The following GABRB2 variants were observed in gnomAD, a reference collection of about 807,000 sequenced individuals.
GABRB2 encodes gamma-aminobutyric acid receptor subunit beta-2.
Under a neutral mutation model 54.7 loss-of-function variants are expected in GABRB2, and 16 were observed. The observed-to-expected ratio is 0.29, with a 90% CI of 0.20 to 0.44. GABRB2 has a LOEUF of 0.44. Among genes scored for constraint, GABRB2 ranks in the 20% least tolerant of loss-of-function variants. The pLI is 1.00. For missense variants in GABRB2, 355 were observed against 644.0 expected (o/e 0.55, Z 4.86); for synonymous variants, 244 against 233.8 (o/e 1.04, Z -0.40).
At chr5:161,511,696 C>G (rs888823608) in intron 3 of GABRB2, among the ~76,000 whole-genome samples, 11 of 151,978 alleles carry the variant, frequency 7.2e-5, no homozygotes, top group African/African-American at 2.4e-4. Context: ...AAGACTGGTT[C>G]CTTCTGAGGG....
At chr5:161,439,232 G>C (rs1323536254) in intron 4 of GABRB2, among the ~76,000 whole-genome samples, 8 of 152,200 alleles carry the variant, frequency 5.3e-5, no homozygotes, top group Non-Finnish European at 1.2e-4. Flanking sequence ...CAGGCCAAGA[G>C]ACAGTGGCGT....
chr5:161,336,861 A>T, intron 5 of GABRB2, 92 bp from the exon 6 acceptor site: 2 of 1,313,230 alleles, frequency 1.5e-6, no homozygotes, highest in South Asian at 2.8e-5. Context: ...TGTTTAGAAG[A>T]TGACCTATAT....
At chr5:161,455,481 T>C (rs915514397) in intron 4 of GABRB2, among the ~76,000 whole-genome samples, 10 of 151,694 alleles carry the variant, frequency 6.6e-5, no homozygotes, top group African/African-American at 2.4e-4. Flanking sequence ...TCCCAGATAA[T>C]AGAACAAAAG....
At chr5:161,488,725 T>C (rs936676055) in intron 3 of GABRB2, among the ~76,000 whole-genome samples, 4 of 151,786 alleles carry the variant, frequency 2.6e-5, no homozygotes, top group African/African-American at 9.7e-5. Flanking sequence ...GAAAGATCCT[T>C]TCCAGACTAA....
intron 3 of GABRB2, among the ~76,000 whole-genome samples, chr5:161,480,185 A>T (rs1241882567): frequency 1.3e-5 from 2 of 151,994 alleles, no homozygotes; most frequent in Non-Finnish European, 2.9e-5. Context: ...GAAATGGATG[A>T]GTTCCTGAGT....
At position 161,546,668 on chromosome 5, in the gene GABRB2, G is replaced by T; in HGVS notation, c.-25C>A. The T allele has an allele frequency of 6.4e-7, 1 of 1,572,028 alleles. No individual in the cohort carries two copies. Among genetic ancestry groups the T allele is most frequent in the Non-Finnish European group, 8.6e-7 (1 of 1,156,998 alleles). ...TCCCTTTAGTTTTTGATGGAATTGAGGGTTTCACTGAAGAGAGGAGATCCA... is the reference window on the plus strand; with the variant it reads ...TCCCTTTAGTTTTTGATGGAATTGATGGTTTCACTGAAGAGAGGAGATCCA... On this transcript the variant is annotated 5_prime_UTR_variant, in exon 1 of 10. Coordinates refer to ENST00000393959, the MANE Select transcript of GABRB2 (RefSeq NM_001371727.1).
intron 3 of GABRB2, among the ~76,000 whole-genome samples, chr5:161,500,150 C>T (rs1005090010): frequency 2.0e-5 from 3 of 152,156 alleles, no homozygotes; most frequent in Non-Finnish European, 4.4e-5. Context: ...GAGTCCACTA[C>T]AGAGAATGGC....
chr5:161,315,886 G>T (rs764500720), intron 9 of GABRB2, among the ~76,000 whole-genome samples: 9 of 152,114 alleles, frequency 5.9e-5, no homozygotes, highest in Non-Finnish European at 7.4e-5. Context: ...ACATTAAATT[G>T]TTGCTAACAC....
chr5:161,295,228 G>A lies in GABRB2; in HGVS notation c.1192-800C>T, dbSNP rs571914979. Among the ~76,000 whole-genome samples the A allele has an allele frequency of 8.9e-4, 135 of 152,238 alleles. 3 individuals are homozygous for A. The highest frequency in any genetic ancestry group is 2.9e-3 in the African/African-American group (122 of 41,552). On this transcript the variant is annotated intron_variant, in intron 9 of 9. Transcript: ENST00000393959. The stretch of plus-strand genomic sequence containing the variant: ...AGCTGACTGTGCTCAACTGAATTCT[G>A]GGCCTCAGGAGTACAATTAGTTGGC...
intron 3 of GABRB2, among the ~76,000 whole-genome samples, chr5:161,532,256 CTG>C (rs1760485193): frequency 6.6e-6 from 1 of 152,038 alleles, no homozygotes. Context: ...TGTAGCATAT[CTG>C]TGTGTATATG....
chr5:161,515,277 T>TA (rs141783991), intron 3 of GABRB2, among the ~76,000 whole-genome samples: 4,787 of 152,182 alleles, frequency 0.031, 215 homozygotes, highest in African/African-American at 0.098. Context: ...GAATTAGAAT[T>TA]TTTTAAAAAA....
At chr5:161,525,665 C>T (rs1308964952) in intron 3 of GABRB2, among the ~76,000 whole-genome samples, 1 of 150,938 alleles carries the variant, frequency 6.6e-6, no homozygotes, top group African/African-American at 2.4e-5. Flanking sequence ...CATGGGATAC[C>T]AGCTTTGTTT....
At chr5:161,534,230 G>C (rs993009611) in intron 3 of GABRB2, among the ~76,000 whole-genome samples, 1 of 152,082 alleles carries the variant, frequency 6.6e-6, no homozygotes, top group African/African-American at 2.4e-5. Context: ...GGATGCCAGT[G>C]GCATCCATTA....
chr5:161,398,009 TA>T (rs1739144529), intron 5 of GABRB2, among the ~76,000 whole-genome samples: 1 of 134,508 alleles, frequency 7.4e-6, no homozygotes, highest in Non-Finnish European at 1.6e-5. Context: ...CAGAGGTAGA[TA>T]GATGATAGAT....
intron 3 of GABRB2, among the ~76,000 whole-genome samples, chr5:161,531,605 GT>G (rs1760464541): frequency 6.6e-6 from 1 of 152,002 alleles, no homozygotes; most frequent in Admixed American, 6.6e-5. Flanking sequence ...ATAGAAAACA[GT>G]AATCACTTTT....
chr5:161,543,844 T>C (rs1760890086), intron 3 of GABRB2, among the ~76,000 whole-genome samples: 2 of 152,230 alleles, frequency 1.3e-5, no homozygotes, highest in Admixed American at 6.5e-5. Flanking sequence ...AGGGAAATTT[T>C]TGGTTCTGAA....
chr5:161,378,189 T>C (rs1313447002), intron 5 of GABRB2, among the ~76,000 whole-genome samples: 1 of 152,042 alleles, frequency 6.6e-6, no homozygotes, highest in Non-Finnish European at 1.5e-5. Context: ...TTTTGGAAAA[T>C]CTGTTTCATT....
chr5:161,514,560 T>C (rs1482874311), intron 3 of GABRB2, among the ~76,000 whole-genome samples: 1 of 151,992 alleles, frequency 6.6e-6, no homozygotes. Context: ...CTTTTCTCTA[T>C]CCCTAAAAGT....
At chr5:161,491,302 A>G (rs1363331107) in intron 3 of GABRB2, among the ~76,000 whole-genome samples, 3 of 151,704 alleles carry the variant, frequency 2.0e-5, no homozygotes, top group African/African-American at 7.2e-5. Context: ...GTTTGATCCT[A>G]TGAGATTTAA....
Sources: gnomAD v4.1 joint callset for allele counts (sites outside exome capture counted in the v4.1 genomes callset) on GRCh38, gnomAD v4.1.1 for gene constraint, MANE v1.5 for transcripts, NCBI Gene and HGNC (gene_info 2026-07-23, HGNC 2026-07-21) for gene names.